NMNAT2: variants seen among roughly 807,000 people sequenced by gnomAD.
The protein encoded by NMNAT2 is nicotinamide/nicotinic acid mononucleotide adenylyltransferase 2.
Under a neutral mutation model 41.6 loss-of-function variants are expected in NMNAT2, and 11 were observed. That is an observed-to-expected ratio of 0.26 (90% confidence interval 0.17 to 0.44). The LOEUF is 0.44. Among genes scored for constraint, NMNAT2 ranks in the 20% least tolerant of loss-of-function variants. The pLI is 1.00. For synonymous variants in NMNAT2, 148 were observed against 151.2 expected (o/e 0.98, Z 0.16); for missense variants, 288 against 407.7 (o/e 0.71, Z 2.53).
intron 1 of NMNAT2, among the ~76,000 whole-genome samples, chr1:183,390,198 A>G (rs560788489): frequency 6.6e-6 from 1 of 152,112 alleles, no homozygotes; most frequent in African/African-American, 2.4e-5. Flanking sequence ...ATGAACATCA[A>G]TGTTAAAACG....
At chr1:183,259,756 C>T (rs1034783491) in intron 10 of NMNAT2, among the ~76,000 whole-genome samples, 6 of 152,064 alleles carry the variant, frequency 3.9e-5, no homozygotes, top group East Asian at 3.9e-4. Flanking sequence ...GCTGCCACCA[C>T]GCCCGGCTGA....
chr1:183,310,471 T>C (rs1298585987), intron 1 of NMNAT2, among the ~76,000 whole-genome samples: 7 of 152,222 alleles, frequency 4.6e-5, no homozygotes, highest in Non-Finnish European at 8.8e-5. Context: ...TCCAGCCTGC[T>C]CTGGTCCCTC....
intron 1 of NMNAT2, among the ~76,000 whole-genome samples, chr1:183,359,914 C>T (rs577839401): frequency 1.3e-5 from 2 of 152,278 alleles, no homozygotes; most frequent in Admixed American, 6.5e-5. Context: ...CATTTTAGAA[C>T]GTTTCTTCTT....
intron 8 of NMNAT2, 30 bp from the exon 9 acceptor site, chr1:183,261,333 G>A (rs1660652417): frequency 6.3e-7 from 1 of 1,577,680 alleles, no homozygotes; most frequent in African/African-American, 1.3e-5. Context: ...GCCCTTTGGT[G>A]AAACCCTGAT....
chr1:183,270,545 G>C (rs1436649010), intron 8 of NMNAT2, among the ~76,000 whole-genome samples: 1 of 150,172 alleles, frequency 6.7e-6, no homozygotes, highest in Non-Finnish European at 1.5e-5. Flanking sequence ...AAAAAAAAAA[G>C]AGAGAGAACC....
intron 1 of NMNAT2, among the ~76,000 whole-genome samples, chr1:183,327,318 A>G (rs1408884004): frequency 1.3e-5 from 2 of 152,170 alleles, no homozygotes; most frequent in African/African-American, 4.8e-5. Context: ...GGCCTTCCAA[A>G]GTGCTGGGAT....
At chr1:183,352,343 C>T (rs955734768) in intron 1 of NMNAT2, among the ~76,000 whole-genome samples, 2 of 152,102 alleles carry the variant, frequency 1.3e-5, no homozygotes, top group African/African-American at 2.4e-5. Flanking sequence ...GTGGGTGGAT[C>T]ACCTGAAGTC....
At chr1:183,259,215 GTAC>G (rs1660596513) in intron 10 of NMNAT2, among the ~76,000 whole-genome samples, 1 of 152,180 alleles carries the variant, frequency 6.6e-6, no homozygotes, top group Non-Finnish European at 1.5e-5. Context: ...ACAGGAATTT[GTAC>G]TGTTGTGTAA....
chr1:183,296,921 G>A (rs1661716868), intron 1 of NMNAT2, among the ~76,000 whole-genome samples: 1 of 152,040 alleles, frequency 6.6e-6, no homozygotes. Context: ...TGAAGAAATT[G>A]CACAGCCTCT....
chr1:183,352,193 T>C (rs1409981910), intron 1 of NMNAT2, among the ~76,000 whole-genome samples: 1 of 152,148 alleles, frequency 6.6e-6, no homozygotes, highest in African/African-American at 2.4e-5. Context: ...TTCACCTCCC[T>C]GTGCTCTGAA....
intron 1 of NMNAT2, among the ~76,000 whole-genome samples, chr1:183,337,055 A>T (rs1399227168): frequency 6.6e-6 from 1 of 152,204 alleles, no homozygotes; most frequent in African/African-American, 2.4e-5. Flanking sequence ...ACTGCCTGGA[A>T]GGGAGCAGGG....
intron 10 of NMNAT2, among the ~76,000 whole-genome samples, chr1:183,259,998 C>A (rs1272768159): frequency 6.6e-6 from 1 of 152,244 alleles, no homozygotes; most frequent in Non-Finnish European, 1.5e-5. Context: ...TTCCACTCAA[C>A]ATTTCCACTT....
intron 1 of NMNAT2, among the ~76,000 whole-genome samples, chr1:183,295,805 T>G (rs1661675397): frequency 6.6e-6 from 1 of 152,200 alleles, no homozygotes; most frequent in Non-Finnish European, 1.5e-5. Flanking sequence ...CTAAGCAGTA[T>G]GCATTTAAAG....
intron 1 of NMNAT2, among the ~76,000 whole-genome samples, chr1:183,393,510 G>A (rs1648542589): frequency 6.6e-6 from 1 of 151,878 alleles, no homozygotes; most frequent in South Asian, 2.1e-4. Flanking sequence ...TCTCTGGAGT[G>A]CTTGAGTGAA....
chr1:183,253,065 A>C (rs1022560254), intron 10 of NMNAT2, among the ~76,000 whole-genome samples: 4 of 152,152 alleles, frequency 2.6e-5, no homozygotes, highest in Non-Finnish European at 2.9e-5. Flanking sequence ...ATGAGTCATT[A>C]TGCAAAGCAC....
intron 10 of NMNAT2, among the ~76,000 whole-genome samples, chr1:183,254,761 A>G (rs1660475683): frequency 6.6e-6 from 1 of 152,196 alleles, no homozygotes; most frequent in South Asian, 2.1e-4. Context: ...TTAGTTGAGT[A>G]ATATGTTTTC....
chr1:183,356,437 C>T (rs908400442), intron 1 of NMNAT2, among the ~76,000 whole-genome samples: 1 of 152,208 alleles, frequency 6.6e-6, no homozygotes, highest in Non-Finnish European at 1.5e-5. Flanking sequence ...AATGACCCAG[C>T]GTACCTGGGC....
intron 1 of NMNAT2, among the ~76,000 whole-genome samples, chr1:183,357,506 G>C (rs1221932113): frequency 6.6e-6 from 1 of 152,052 alleles, no homozygotes; most frequent in Non-Finnish European, 1.5e-5. Context: ...TGGGATTACA[G>C]GTGTGAGCCA....
intron 1 of NMNAT2, among the ~76,000 whole-genome samples, chr1:183,346,587 A>C (rs1409786913): frequency 1.3e-5 from 2 of 152,204 alleles, no homozygotes; most frequent in Non-Finnish European, 2.9e-5. Flanking sequence ...CCGAGTCCCC[A>C]AACAGGGCGG....
Sources: allele counts gnomAD v4.1 joint callset (sites outside exome capture counted in the v4.1 genomes callset), GRCh38; gene constraint gnomAD v4.1.1; transcripts MANE v1.5; gene names NCBI Gene and HGNC (gene_info 2026-07-23, HGNC 2026-07-21).